The following CADPS variants were observed in gnomAD, a reference collection of about 807,000 sequenced individuals.
The protein encoded by CADPS is calcium-dependent secretion activator 1.
In CADPS, 57 loss-of-function variants were observed where a neutral mutation model predicts 167.3. That is an observed-to-expected ratio of 0.34 (90% CI 0.28 to 0.42). CADPS has a LOEUF of 0.42. Among genes scored for constraint, CADPS ranks in the 20% least tolerant of loss-of-function variants. CADPS has a pLI of 1.00. For missense variants in CADPS, 1,414 were observed against 1,738.1 expected (o/e 0.81, Z 3.32); for synonymous variants, 676 against 635.3 (o/e 1.06, Z -0.96).
intron 11 of CADPS, among the ~76,000 whole-genome samples, chr3:62,540,343 T>A (rs17066553): frequency 0.014 from 2,124 of 152,168 alleles, 47 homozygotes; most frequent in African/African-American, 0.047. Context: ...TAAAATTGAA[T>A]CCCTTGGTAG....
At chr3:62,489,932 G>T (rs1396415155) in intron 21 of CADPS, among the ~76,000 whole-genome samples, 1 of 152,254 alleles carries the variant, frequency 6.6e-6, no homozygotes, top group East Asian at 1.9e-4. Flanking sequence ...TTAAGAGACT[G>T]TTATAAACTG....
chr3:62,679,701 T>A (rs2076850500), intron 3 of CADPS, among the ~76,000 whole-genome samples: 2 of 151,978 alleles, frequency 1.3e-5, no homozygotes, highest in South Asian at 2.1e-4. Flanking sequence ...ACTTTTCAAC[T>A]CCCTGCATTG....
At chr3:62,405,961 C>T (rs1708330767) in intron 28 of CADPS, among the ~76,000 whole-genome samples, 1 of 152,142 alleles carries the variant, frequency 6.6e-6, no homozygotes, top group Non-Finnish European at 1.5e-5. Context: ...GGATCTTCCA[C>T]GTTATCTGTT....
At chr3:62,459,166 G>A (rs1194859798) in intron 26 of CADPS, among the ~76,000 whole-genome samples, 1 of 152,202 alleles carries the variant, frequency 6.6e-6, no homozygotes, top group Non-Finnish European at 1.5e-5. Flanking sequence ...TTAAAGCGCG[G>A]TGTTTTTTGG....
chr3:62,646,907 A>C (rs1271719236), intron 5 of CADPS, among the ~76,000 whole-genome samples: 1 of 152,196 alleles, frequency 6.6e-6, no homozygotes, highest in Non-Finnish European at 1.5e-5. Flanking sequence ...GCAGCTGCAT[A>C]GTCTTTGGTC....
intron 3 of CADPS, among the ~76,000 whole-genome samples, chr3:62,741,077 C>T (rs1051505440): frequency 6.6e-6 from 1 of 152,128 alleles, no homozygotes; most frequent in Non-Finnish European, 1.5e-5. Flanking sequence ...CCAGCCCACC[C>T]TATACTTCAT....
intron 6 of CADPS, among the ~76,000 whole-genome samples, chr3:62,635,357 G>A (rs1010700311): frequency 6.6e-6 from 1 of 152,106 alleles, no homozygotes; most frequent in Non-Finnish European, 1.5e-5. Context: ...CTGTACTACT[G>A]CATGTATAAA....
intron 1 of CADPS, among the ~76,000 whole-genome samples, chr3:62,849,032 C>A (rs1577280648): frequency 6.7e-6 from 1 of 148,310 alleles, no homozygotes; most frequent in African/African-American, 2.5e-5. Flanking sequence ...ATTTTATTCT[C>A]TTTGAAGCAA....
chr3:62,438,626 C>A lies in CADPS; in HGVS notation c.3670-415G>T, dbSNP rs2055640214. On this transcript the variant is annotated intron_variant, in intron 27 of 29. Coordinates refer to ENST00000383710, the MANE Select transcript of CADPS (RefSeq NM_003716.4). The surrounding 1 kb of genome is among the most constrained non-coding windows in gnomAD (Gnocchi z 4.7). ...ATTATCAGACGGGTGATGGAACTTC[C>A]CATTCCTTTTTCCTCTTTTAAAATA... 1 of 162,252 alleles carries A rather than the reference C, an allele frequency of 6.2e-6. No individual in the cohort carries two copies. The highest frequency in any genetic ancestry group is 6.3e-5 in the Admixed American group (1 of 15,888). 10.1% of individuals were successfully genotyped at this position (162,252 alleles called of 1,614,324 possible). A position where few individuals can be genotyped will look rare whatever the true frequency, so the allele number is the denominator to read the frequency against.
At chr3:62,660,129 A>C (rs1287453996) in intron 4 of CADPS, among the ~76,000 whole-genome samples, 2 of 151,056 alleles carry the variant, frequency 1.3e-5, no homozygotes, top group African/African-American at 4.8e-5. Flanking sequence ...GGTTCTATTA[A>C]AAATTAAAAT....
chr3:62,573,043 G>C lies in CADPS; in HGVS notation c.1578-2105C>G, dbSNP rs147678329. 4.6e-3 allele frequency among the ~76,000 whole-genome samples: 693 copies of C among 152,084 alleles called. 5 individuals are homozygous for C. Among genetic ancestry groups the C allele is most frequent in the African/African-American group, 0.015 (635 of 41,490 alleles). ...ATTACAGATGTGCACCACCATGTCC[G>C]GCTAATTTTTGTATTTTTAGTAGAG... is the stretch of plus-strand genomic sequence containing the variant. On this transcript the variant is annotated intron_variant, in intron 8 of 29. Coordinates refer to ENST00000383710, the MANE Select transcript of CADPS (RefSeq NM_003716.4).
At chr3:62,857,689 T>G (rs1178202188) in intron 1 of CADPS, among the ~76,000 whole-genome samples, 1 of 152,068 alleles carries the variant, frequency 6.6e-6, no homozygotes, top group East Asian at 1.9e-4. Context: ...TCCATGCAGA[T>G]GTATAAATAT....
rs1491429269 is a variant in CADPS, at chr3:62,599,780, T to TATATTG, written c.1326-7033_1326-7032insCAATAT. Among the ~76,000 whole-genome samples the TATATTG allele has an allele frequency of 4.1e-4, 5 of 12,320 alleles. 1 individual carries two copies. Among genetic ancestry groups the TATATTG allele is most frequent in the East Asian group, 3.1e-3 (1 of 326 alleles). The allele number at this position is 12,320 out of a possible 152,430, so 8.1% of individuals were successfully genotyped here. ...ATATATTGTATATATAATATATATA[T>TATATTG]TATATATAATATATATAATATATAA... On this transcript the variant is annotated intron_variant, in intron 6 of 29. Transcript: ENST00000383710.
intron 20 of CADPS, 151 bp from the exon 21 acceptor site, chr3:62,491,631 C>A (rs1576756575): frequency 1.3e-5 from 8 of 614,218 alleles, no homozygotes; most frequent in Admixed American, 7.3e-5. Context: ...TCTAAGGAAG[C>A]CAAAAAGAGA....
intron 3 of CADPS, among the ~76,000 whole-genome samples, chr3:62,723,702 A>T (rs9836677): frequency 4.7e-4 from 71 of 152,168 alleles, no homozygotes; most frequent in Non-Finnish European, 8.1e-4. Context: ...TGAGCCGCTC[A>T]GGAGATGAAG....
intron 1 of CADPS, among the ~76,000 whole-genome samples, chr3:62,781,672 C>T (rs1304265319): frequency 2.0e-5 from 3 of 152,016 alleles, no homozygotes; most frequent in Admixed American, 6.6e-5. Context: ...AACACACCCA[C>T]GATTGTGTGT....
In CADPS at chr3:62,667,618, A is replaced by G. The variant is rs570863387; in HGVS notation, c.889-5224T>C. Among the ~76,000 whole-genome samples, 7 of 152,152 alleles carry G rather than the reference A, an allele frequency of 4.6e-5. No individual in the cohort carries two copies. The South Asian group carries it at 1.5e-3, about 32-fold the overall frequency. On this transcript the variant is annotated intron_variant, in intron 3 of 29. Coordinates refer to ENST00000383710, the MANE Select transcript of CADPS (RefSeq NM_003716.4). Reference sequence around the variant, plus strand: ...AAAGTCTGGAAACTCACTCTATCCCATTTCTGGAGACACACAACACACATG... The same window carrying G: ...AAAGTCTGGAAACTCACTCTATCCCGTTTCTGGAGACACACAACACACATG...
At chr3:62,440,985 A>G (rs991961668) in intron 27 of CADPS, 1 of 152,220 alleles carries the variant, frequency 6.6e-6, no homozygotes. Flanking sequence ...GATTATAGTC[A>G]GTACCCTGTT....
chr3:62,811,796 C>A (rs762896468), intron 1 of CADPS, among the ~76,000 whole-genome samples: 2 of 152,114 alleles, frequency 1.3e-5, no homozygotes, highest in East Asian at 3.9e-4. Context: ...TCCATTGTCT[C>A]TAAATGTCGT....
Sources: allele counts gnomAD v4.1 joint callset (sites outside exome capture counted in the v4.1 genomes callset), GRCh38; gene constraint gnomAD v4.1.1; non-coding constraint Gnocchi (gnomAD v3.1); transcripts MANE v1.5; gene names NCBI Gene and HGNC (gene_info 2026-07-23, HGNC 2026-07-21).